FAM3C: variants seen among roughly 807,000 people sequenced by gnomAD.
The protein encoded by FAM3C is FAM3 metabolism regulating signaling molecule C.
A neutral mutation model predicts 32.5 loss-of-function variants in FAM3C; 15 were observed. That is an observed-to-expected ratio of 0.46 (90% CI 0.31 to 0.71). The LOEUF is 0.71. Among genes scored for constraint, FAM3C ranks in the 30% least tolerant of loss-of-function variants. The pLI is 0.05. For missense variants in FAM3C, 175 were observed against 274.4 expected (o/e 0.64, Z 2.56); for synonymous variants, 75 against 86.1 (o/e 0.87, Z 0.72).
intron 1 of FAM3C, among the ~76,000 whole-genome samples, chr7:121,388,265 C>A (rs1161738779): frequency 6.6e-6 from 1 of 151,848 alleles, no homozygotes; most frequent in East Asian, 1.9e-4. Context: ...CACACACTCA[C>A]ACACTCCTGT....
chr7:121,385,104 G>A (rs1794440452), intron 1 of FAM3C, among the ~76,000 whole-genome samples: 1 of 152,082 alleles, frequency 6.6e-6, no homozygotes, highest in Non-Finnish European at 1.5e-5. Flanking sequence ...AGTAAAGGGA[G>A]AAAAAGGCCT....
In FAM3C at chr7:121,372,142, G is replaced by GAAA; in HGVS notation, c.119-6_119-4dup. ...AGCTGTGTCCAATGCTGATCTTGCTGAAAAAAAAAAATTACTTTTGTTAGA... is the reference window on the plus strand; with the variant it reads ...AGCTGTGTCCAATGCTGATCTTGCTGAAAAAAAAAAAAAATTACTTTTGTTAGA... On this transcript the variant is annotated splice_region_variant and splice_polypyrimidine_tract_variant and intron_variant, in intron 3 of 9. Coordinates refer to ENST00000359943, the MANE Select transcript of FAM3C (RefSeq NM_014888.3). The GAAA allele has an allele frequency of 7.5e-7, 1 of 1,333,188 alleles. No homozygotes were observed. Among genetic ancestry groups the GAAA allele is most frequent in the Non-Finnish European group, 1.0e-6 (1 of 976,140 alleles). The allele number at this position is 1,333,188 out of a possible 1,614,324, so 82.6% of individuals were successfully genotyped here.
intron 7 of FAM3C, among the ~76,000 whole-genome samples, chr7:121,360,916 A>G (rs2116887913): frequency 6.6e-6 from 1 of 152,336 alleles, no homozygotes; most frequent in African/African-American, 2.4e-5. Flanking sequence ...AAGAGGATAC[A>G]CAGCTTTTCT....
At chr7:121,364,036 G>C in intron 6 of FAM3C, 94 bp downstream of exon 6, 1 of 831,288 alleles carries the variant, frequency 1.2e-6, no homozygotes, top group South Asian at 1.4e-5. Context: ...ATCAAGAGCA[G>C]TACTTTCTAA....
chr7:121,371,950 A>G (rs1794155969), intron 4 of FAM3C, among the ~76,000 whole-genome samples, 160 bp downstream of exon 4: 1 of 152,212 alleles, frequency 6.6e-6, no homozygotes, highest in African/African-American at 2.4e-5. Context: ...TAATTGCCAA[A>G]AATATTTGGG....
chr7:121,367,044 T>C (rs1794036306), intron 5 of FAM3C, among the ~76,000 whole-genome samples: 1 of 152,166 alleles, frequency 6.6e-6, no homozygotes, highest in African/African-American at 2.4e-5. Context: ...CAGCAGCTTA[T>C]CAATTTTTAA....
At chr7:121,381,627 T>A (rs146218805) in intron 2 of FAM3C, among the ~76,000 whole-genome samples, 1 of 151,364 alleles carries the variant, frequency 6.6e-6, no homozygotes, top group African/African-American at 2.4e-5. Flanking sequence ...ACATCATAAA[T>A]AGTAAGTCCT....
At chr7:121,363,981 C>T in intron 6 of FAM3C, 149 bp downstream of exon 6, 1 of 578,350 alleles carries the variant, frequency 1.7e-6, no homozygotes, top group Non-Finnish European at 3.1e-6. Flanking sequence ...CAAGTCTCCA[C>T]CCATAGATTT....
chr7:121,380,287 C>A (rs1390345280), intron 2 of FAM3C: 1 of 152,094 alleles, frequency 6.6e-6, no homozygotes, highest in Non-Finnish European at 1.5e-5. Flanking sequence ...CATATGAAAA[C>A]TTCATTGTTC....
At position 121,359,967 on chromosome 7, in the gene FAM3C, A is replaced by ATT. The variant is rs3837124; in HGVS notation, c.467+74_467+75dup. ...TTGATTACTTTGCTCTATGTTACAG[A>ATT]TTTTTTTTTAATGAAAATGTATTGC... On this transcript the variant is annotated intron_variant, in intron 8 of 9. Transcript: ENST00000359943. The ATT allele has an allele frequency of 3.7e-3, 2,761 of 749,544 alleles. 2 individuals carry two copies. Among genetic ancestry groups the ATT allele is most frequent in the African/African-American group, 0.016 (855 of 52,408 alleles). The allele number at this position is 749,544 out of a possible 1,614,324, so 46.4% of individuals were successfully genotyped here. A position where few individuals can be genotyped will look rare whatever the true frequency, so the allele number is the denominator to read the frequency against.
At chr7:121,385,011 G>A (rs767745643) in intron 1 of FAM3C, among the ~76,000 whole-genome samples, 2 of 152,008 alleles carry the variant, frequency 1.3e-5, no homozygotes, top group African/African-American at 2.4e-5. Flanking sequence ...GGTGAGGGAA[G>A]CAAAAACTTA....
At chr7:121,384,973 A>T (rs1794438183) in intron 1 of FAM3C, among the ~76,000 whole-genome samples, 1 of 152,178 alleles carries the variant, frequency 6.6e-6, no homozygotes, top group Non-Finnish European at 1.5e-5. Flanking sequence ...AAAGCAAAGA[A>T]AATATTTACA....
chr7:121,365,822 T>A (rs1030574654), intron 5 of FAM3C, among the ~76,000 whole-genome samples: 5 of 152,138 alleles, frequency 3.3e-5, no homozygotes, highest in African/African-American at 1.2e-4. Context: ...GAAAGAGACA[T>A]ATCATGCAAA....
intron 8 of FAM3C, among the ~76,000 whole-genome samples, chr7:121,355,124 T>C (rs932797485): frequency 2.0e-5 from 3 of 152,196 alleles, no homozygotes; most frequent in Non-Finnish European, 2.9e-5. Context: ...ATGAGAATGA[T>C]ATATCATCCA....
In FAM3C at chr7:121,364,325, G is replaced by C. The variant is rs1439725134; in HGVS notation, c.273-137C>G. 2.3e-5 allele frequency: 14 copies of C among 619,608 alleles called. No homozygotes were observed. In the South Asian group the frequency reaches 2.5e-4, roughly 11 times the overall value. 38.4% of individuals were successfully genotyped at this position (619,608 alleles called of 1,614,324 possible). Reference sequence around the variant, plus strand: ...TCAGTGCTGCGGAGGAAATTAAAAAGATCTCTACTAAGTCAGAGAAGACAG... The same window carrying C: ...TCAGTGCTGCGGAGGAAATTAAAAACATCTCTACTAAGTCAGAGAAGACAG... On this transcript the variant is annotated intron_variant, in intron 5 of 9. Transcript: ENST00000359943.
At chr7:121,355,971 G>A (rs1359005814) in intron 8 of FAM3C, among the ~76,000 whole-genome samples, 1 of 151,342 alleles carries the variant, frequency 6.6e-6, no homozygotes, top group Non-Finnish European at 1.5e-5. Flanking sequence ...TGAAAATAAA[G>A]GCCTTCATTT....
intron 6 of FAM3C, among the ~76,000 whole-genome samples, 155 bp downstream of exon 6, chr7:121,363,975 T>A (rs1320258508): frequency 6.6e-6 from 1 of 152,082 alleles, no homozygotes; most frequent in African/African-American, 2.4e-5. Context: ...AGACACCAAG[T>A]CTCCACCCAT....
intron 2 of FAM3C, among the ~76,000 whole-genome samples, chr7:121,382,148 T>TG (rs1794370659): frequency 6.6e-6 from 1 of 152,064 alleles, no homozygotes; most frequent in Admixed American, 6.6e-5. Flanking sequence ...ATGGGAAGGG[T>TG]GGGGAAAAAC....
chr7:121,396,060 T>C (rs2116988190), intron 1 of FAM3C, 102 bp downstream of exon 1: 1 of 150,186 alleles, frequency 6.7e-6, no homozygotes, highest in South Asian at 2.1e-4. Context: ...GTGACCGCAG[T>C]GCGCGGAGGC....
Sources: gnomAD v4.1 joint callset for allele counts (sites outside exome capture counted in the v4.1 genomes callset) on GRCh38, gnomAD v4.1.1 for gene constraint, MANE v1.5 for transcripts, NCBI Gene and HGNC (gene_info 2026-07-23, HGNC 2026-07-21) for gene names.